DACH2: variants seen among roughly 807,000 people sequenced by gnomAD.
The protein encoded by DACH2 is dachshund family transcription factor 2, also known as dachshund homolog 2.
A neutral mutation model predicts 35.8 loss-of-function variants in DACH2; 17 were observed. That is an observed-to-expected ratio of 0.48 (90% CI 0.33 to 0.71). DACH2 has a LOEUF of 0.71. DACH2 is among the 30% of genes least tolerant of loss of function. The pLI is 0.02. For synonymous variants in DACH2, 195 were observed against 177.3 expected (o/e 1.10, Z -0.79); for missense variants, 469 against 472.7 (o/e 0.99, Z 0.07).
chrX:86,371,376 T>A (rs958398599), intron 1 of DACH2, among the ~76,000 whole-genome samples: 22 of 110,698 alleles, frequency 2.0e-4, no homozygotes, highest in Admixed American at 1.8e-3. Context: ...AAGCAGCAAA[T>A]ACTTAATATA....
At chrX:86,597,960 C>T (rs965797723) in intron 3 of DACH2, among the ~76,000 whole-genome samples, 3 of 111,459 alleles carry the variant, frequency 2.7e-5, no homozygotes, top group Non-Finnish European at 5.6e-5. Context: ...GGGGAGGCCT[C>T]GCAATCATGG....
At chrX:86,328,220 T>A (rs2035149850) in intron 1 of DACH2, among the ~76,000 whole-genome samples, 1 of 111,786 alleles carries the variant, frequency 8.9e-6, no homozygotes. Flanking sequence ...GTACAAGGAC[T>A]GAGAGAACGA....
intron 1 of DACH2, among the ~76,000 whole-genome samples, chrX:86,291,408 C>A (rs1184824006): frequency 8.4e-5 from 8 of 95,242 alleles, no homozygotes; most frequent in Admixed American, 1.2e-4. Flanking sequence ...TGATTGAATA[C>A]CCTTTATTTC....
intron 3 of DACH2, among the ~76,000 whole-genome samples, chrX:86,563,893 A>T (rs1388439093): frequency 9.0e-6 from 1 of 111,232 alleles, no homozygotes; most frequent in Non-Finnish European, 1.9e-5. Flanking sequence ...TAAAAATCAC[A>T]ATATTTTATT....
rs1445752327 is a variant in DACH2 at position 86,733,101 on chromosome X, T to G, written c.1105-6646T>G. On this transcript the variant is annotated intron_variant, in intron 6 of 11. Coordinates refer to ENST00000373125, the MANE Select transcript of DACH2 (RefSeq NM_053281.3). ...TACATGTGAATTATTTAGTATAGTT[T>G]GCACCGTGGGCACCTACAATGCATA... Among the ~76,000 whole-genome samples the G allele has an allele frequency of 5.4e-5, 6 of 111,740 alleles. No homozygotes were observed. In the Admixed American group the frequency reaches 5.7e-4, roughly 11 times the overall value.
chrX:86,782,653 G>A (rs1164459447), intron 7 of DACH2, among the ~76,000 whole-genome samples: 1 of 111,610 alleles, frequency 9.0e-6, no homozygotes, highest in Non-Finnish European at 1.9e-5. Context: ...CATACACTGG[G>A]TAAAACACAT....
intron 3 of DACH2, among the ~76,000 whole-genome samples, chrX:86,642,210 A>T (rs1353671960): frequency 5.4e-5 from 6 of 111,658 alleles, no homozygotes; most frequent in Non-Finnish European, 1.9e-5. Flanking sequence ...TCTTTGAGAG[A>T]TCCACCTCAC....
chrX:86,493,026 C>T (rs929782890), intron 2 of DACH2, among the ~76,000 whole-genome samples: 2 of 111,572 alleles, frequency 1.8e-5, no homozygotes, highest in Non-Finnish European at 3.8e-5. Context: ...GAGAAATCGC[C>T]AAAGTGCTTT....
At chrX:86,263,561 C>T (rs935705712) in intron 1 of DACH2, among the ~76,000 whole-genome samples, 1 of 111,077 alleles carries the variant, frequency 9.0e-6, no homozygotes, top group African/African-American at 3.3e-5. Flanking sequence ...TAAGGTTTTT[C>T]TTTTTAAAGA....
intron 5 of DACH2, among the ~76,000 whole-genome samples, chrX:86,711,541 A>C (rs780139772): frequency 5.3e-5 from 6 of 112,360 alleles, no homozygotes; most frequent in Non-Finnish European, 1.1e-4. Context: ...TTAAAAGGCT[A>C]CCTGTATATC....
intron 1 of DACH2, among the ~76,000 whole-genome samples, chrX:86,331,707 C>A (rs1405393428): frequency 9.0e-6 from 1 of 111,193 alleles, no homozygotes; most frequent in Non-Finnish European, 1.9e-5. Flanking sequence ...AGCATAATTT[C>A]AAAAATTATA....
chrX:86,297,880 C>T (rs2034499106), intron 1 of DACH2, among the ~76,000 whole-genome samples: 1 of 111,847 alleles, frequency 8.9e-6, no homozygotes, highest in Non-Finnish European at 1.9e-5. Flanking sequence ...TTAATAATTA[C>T]ATCACAACAA....
At chrX:86,792,608 G>A (rs2042197001) in intron 7 of DACH2, among the ~76,000 whole-genome samples, 1 of 111,167 alleles carries the variant, frequency 9.0e-6, no homozygotes, top group African/African-American at 3.3e-5. Context: ...TCCCACATAT[G>A]GGTGATAGCA....
intron 7 of DACH2, among the ~76,000 whole-genome samples, chrX:86,805,150 G>A (rs1255477633): frequency 8.9e-6 from 1 of 112,802 alleles, no homozygotes; most frequent in Non-Finnish European, 1.9e-5. Context: ...TCTGCCTGGG[G>A]AACCAGGCTT....
At chrX:86,315,870 T>C (rs1219355871) in intron 1 of DACH2, among the ~76,000 whole-genome samples, 1 of 97,975 alleles carries the variant, frequency 1.0e-5, no homozygotes, top group Admixed American at 1.1e-4. Context: ...GGAGCAGGAG[T>C]TTAATAGGCA....
At chrX:86,831,860 T>C (rs2042615548) in intron 11 of DACH2, 2 of 317,202 alleles carry the variant, frequency 6.3e-6, no homozygotes, top group Non-Finnish European at 1.1e-5. Flanking sequence ...GAAGAGCCTT[T>C]ATCAGTCTTC....
intron 4 of DACH2, among the ~76,000 whole-genome samples, chrX:86,673,850 T>C (rs975987956): frequency 9.0e-6 from 1 of 111,265 alleles, no homozygotes; most frequent in Non-Finnish European, 1.9e-5. Flanking sequence ...TAAAAGTGTG[T>C]AGCACCTCCC....
intron 3 of DACH2, among the ~76,000 whole-genome samples, chrX:86,563,170 G>T (rs1174295207): frequency 9.2e-6 from 1 of 109,041 alleles, no homozygotes; most frequent in African/African-American, 3.3e-5. Context: ...TATAAGTATG[G>T]TATGGGTACT....
intron 7 of DACH2, among the ~76,000 whole-genome samples, chrX:86,771,070 C>G (rs771315872): frequency 8.8e-6 from 1 of 113,180 alleles, no homozygotes; most frequent in South Asian, 3.5e-4. Flanking sequence ...ATGAGTATCA[C>G]AGAAATCTCA....
Sources: gnomAD v4.1 joint callset for allele counts (sites outside exome capture counted in the v4.1 genomes callset) on GRCh38, gnomAD v4.1.1 for gene constraint, MANE v1.5 for transcripts, NCBI Gene and HGNC (gene_info 2026-07-23, HGNC 2026-07-21) for gene names.